CAMK4: variants seen among roughly 807,000 people sequenced by gnomAD.
The protein encoded by CAMK4 is calcium/calmodulin-dependent protein kinase type IV.
CAMK4 carries 22 observed loss-of-function variants against 44.9 expected under a neutral mutation model. The ratio of observed to expected loss-of-function variants is 0.49; its 90% CI spans 0.35 to 0.70. The LOEUF is 0.70. Ranked by LOEUF, CAMK4 falls within the 30% of genes least tolerant of loss-of-function variation. The pLI is 0.01. For missense variants in CAMK4, 498 were observed against 586.8 expected, an observed-to-expected ratio of 0.85 and a Z score of 1.56; for synonymous variants, 218 against 215.4, an observed-to-expected ratio of 1.01 and a Z score of -0.11.
At chr5:111,236,126 G>A (rs898173010) in intron 1 of CAMK4, among the ~76,000 whole-genome samples, 2 of 152,216 alleles carry the variant, frequency 1.3e-5, no homozygotes, top group African/African-American at 4.8e-5. Context: ...GATCACAAAT[G>A]TGAAACACTG....
At chr5:111,343,543 C>T (rs79269302) in intron 1 of CAMK4, among the ~76,000 whole-genome samples, 36 of 151,872 alleles carry the variant, frequency 2.4e-4, no homozygotes, top group East Asian at 1.4e-3. Context: ...CTCCTCTACA[C>T]GTTAAAAAGT....
Position 111,224,500 on chromosome 5 carries a change from T to A in CAMK4, c.17T>A (p.Val6Glu). ...GCTGCGAAGATGCTCAAAGTCACGG[T>A]GCCCTCCTGCTCCGCCTCGTCCTGC... is the stretch of plus-strand genomic sequence containing the variant. MLKVTVPSCSASSCSS... is the reference protein window; with the variant it reads MLKVTEPSCSASSCSS... The change falls in exon 1 of 11, where the codon GTG becomes GAG. Residue 6 changes from valine to glutamate, a missense_variant. Physicochemically the swap from Val to Glu is moderately radical, Grantham distance 121 (BLOSUM62 -2). Transcript: ENST00000282356. The surrounding 1 kb of genome is among the most constrained non-coding windows in gnomAD (Gnocchi z 5.7). The A allele has an allele frequency of 6.2e-7, 1 of 1,607,060 alleles. No individual in the cohort carries two copies. Among genetic ancestry groups the A allele is most frequent in the Non-Finnish European group, 8.5e-7 (1 of 1,177,934 alleles).
chr5:111,458,584 A>AG (rs35352495), intron 7 of CAMK4, among the ~76,000 whole-genome samples: 101,393 of 151,886 alleles, frequency 0.67, 36,181 homozygotes, highest in Non-Finnish European at 0.8. Flanking sequence ...TAGTGGGAGA[A>AG]ACAACAATAC....
intron 1 of CAMK4, among the ~76,000 whole-genome samples, chr5:111,279,259 T>C (rs1245447780): frequency 6.6e-6 from 1 of 152,136 alleles, no homozygotes; most frequent in Admixed American, 6.6e-5. Flanking sequence ...CAGGCCAAAG[T>C]TCAAAGGGAC....
At chr5:111,332,650 T>C (rs972112032) in intron 1 of CAMK4, among the ~76,000 whole-genome samples, 4 of 151,562 alleles carry the variant, frequency 2.6e-5, no homozygotes, top group Non-Finnish European at 3.0e-5. Context: ...ATTTTATTCT[T>C]GATGCTATTT....
chr5:111,273,486 A>T (rs1181279458), intron 1 of CAMK4, among the ~76,000 whole-genome samples: 1 of 151,352 alleles, frequency 6.6e-6, no homozygotes, highest in African/African-American at 2.4e-5. Flanking sequence ...CTGGATGGTT[A>T]AAGATGATCT....
rs1755713850 is a variant in CAMK4, at chr5:111,488,633, G to A, written c.*4167G>A. 1 of 152,148 alleles carries A rather than the reference G, an allele frequency of 6.6e-6. No homozygotes were observed. Among genetic ancestry groups the A allele is most frequent in the Admixed American group, 6.6e-5 (1 of 15,264 alleles). 9.4% of individuals were successfully genotyped at this position (152,148 alleles called of 1,614,324 possible). A position where few individuals can be genotyped will look rare whatever the true frequency, so the allele number is the denominator to read the frequency against. ...AGTTTTTATTGCACAGAAGCAGCTG[G>A]TTGTATTTCAAGTTGGAAAAAGAAA... On this transcript the variant is annotated 3_prime_UTR_variant, in exon 11 of 11. Coordinates refer to ENST00000282356, the MANE Select transcript of CAMK4 (RefSeq NM_001744.6).
At chr5:111,412,722 A>G (rs145675784) in intron 5 of CAMK4, among the ~76,000 whole-genome samples, 1 of 152,322 alleles carries the variant, frequency 6.6e-6, no homozygotes, top group Non-Finnish European at 1.5e-5. Flanking sequence ...GACTAGCTAG[A>G]ACAGAGACTT....
At chr5:111,374,414 G>A (rs940400805) in intron 2 of CAMK4, among the ~76,000 whole-genome samples, 2 of 152,224 alleles carry the variant, frequency 1.3e-5, no homozygotes, top group East Asian at 3.9e-4. Flanking sequence ...AATGGCCAGG[G>A]AACAGGATAC....
In CAMK4 at chr5:111,317,267, A is replaced by C. The variant is rs185383274; in HGVS notation, c.162-26757A>C. Among the ~76,000 whole-genome samples, 498 of 152,276 alleles carry C rather than the reference A, an allele frequency of 3.3e-3. 3 individuals carry two copies. Among genetic ancestry groups the C allele is most frequent in the African/African-American group, 0.011 (469 of 41,566 alleles). The stretch of plus-strand genomic sequence containing the variant: ...GTCAAATTTCACAGTTACATTACAT[A>C]GTGATTTAAATTAGTTCAGGTTAGT... On this transcript the variant is annotated intron_variant, in intron 1 of 10. Transcript: ENST00000282356.
intron 5 of CAMK4, among the ~76,000 whole-genome samples, chr5:111,446,000 A>C (rs1333345627): frequency 6.6e-6 from 1 of 152,240 alleles, no homozygotes; most frequent in Non-Finnish European, 1.5e-5. Context: ...TTACAATGAG[A>C]ATATGTTGCA....
chr5:111,477,568 G>A (rs536340773), intron 8 of CAMK4, among the ~76,000 whole-genome samples: 1 of 152,076 alleles, frequency 6.6e-6, no homozygotes, highest in Non-Finnish European at 1.5e-5. Flanking sequence ...ATGCTTGGTG[G>A]TCACAAACAA....
At chr5:111,223,671 G>A (rs944999567), upstream of CAMK4, 5 of 152,332 alleles carry the variant, frequency 3.3e-5, no homozygotes, top group African/African-American at 1.2e-4. The surrounding 1 kb of genome is among the most constrained non-coding windows in gnomAD (Gnocchi z 4.3). Flanking sequence ...CAGCAGCGAC[G>A]ACAGCATTTA....
At chr5:111,315,040 C>A (rs753635764) in intron 1 of CAMK4, among the ~76,000 whole-genome samples, 1 of 152,092 alleles carries the variant, frequency 6.6e-6, no homozygotes, top group Non-Finnish European at 1.5e-5. Context: ...CTGTTCAAGA[C>A]ACTTGGTTTC....
intron 2 of CAMK4, among the ~76,000 whole-genome samples, chr5:111,350,287 A>G (rs1294271079): frequency 1.3e-5 from 2 of 152,110 alleles, no homozygotes; most frequent in Non-Finnish European, 2.9e-5. Context: ...CAGATATTTC[A>G]TAAGAGTACC....
intron 2 of CAMK4, among the ~76,000 whole-genome samples, chr5:111,360,989 C>A (rs1260992417): frequency 6.6e-6 from 1 of 151,944 alleles, no homozygotes; most frequent in East Asian, 1.9e-4. Flanking sequence ...CTGTACTTTT[C>A]TGGTCATGAA....
At chr5:111,351,389 G>C (rs553784783) in intron 2 of CAMK4, among the ~76,000 whole-genome samples, 1 of 151,464 alleles carries the variant, frequency 6.6e-6, no homozygotes, top group East Asian at 1.9e-4. Flanking sequence ...CTGGCAACTT[G>C]GAATTTTCTT....
chr5:111,461,209 G>A (rs953523079), intron 7 of CAMK4, among the ~76,000 whole-genome samples: 1 of 152,042 alleles, frequency 6.6e-6, no homozygotes, highest in Non-Finnish European at 1.5e-5. Flanking sequence ...AATGACAAAA[G>A]CCCCAAATAC....
At chr5:111,268,698 T>G (rs1222433940) in intron 1 of CAMK4, among the ~76,000 whole-genome samples, 2 of 152,200 alleles carry the variant, frequency 1.3e-5, no homozygotes, top group African/African-American at 2.4e-5. Context: ...TGATGTAATA[T>G]AATAGCTGAG....
Sources: gnomAD v4.1 joint callset for allele counts (sites outside exome capture counted in the v4.1 genomes callset) on GRCh38, gnomAD v4.1.1 for gene constraint, Gnocchi (gnomAD v3.1) non-coding constraint, MANE v1.5 for transcripts, NCBI Gene and HGNC (gene_info 2026-07-23, HGNC 2026-07-21) for gene names.